DISC1: variants seen among roughly 807,000 people sequenced by gnomAD.
DISC1 encodes the protein disrupted in schizophrenia 1 protein.
DISC1 carries 57 observed loss-of-function variants against 84.5 expected under a neutral mutation model. The observed-to-expected ratio is 0.67, with a 90% confidence interval of 0.55 to 0.84. The LOEUF is 0.84. Ranked by LOEUF, DISC1 falls within the 40% of genes least tolerant of loss-of-function variation. The probability of loss-of-function intolerance (pLI) is 0.00; values close to 1 mark genes in which losing one functional copy is unlikely to be tolerated. For synonymous variants in DISC1, 411 were observed against 415.2 expected, an observed-to-expected ratio of 0.99 and a Z score of 0.12; for missense variants, 1,000 against 1,057.8, an observed-to-expected ratio of 0.95 and a Z score of 0.76.
At chr1:231,982,035 A>G (rs186866193) in intron 10 of DISC1, among the ~76,000 whole-genome samples, 35 of 152,340 alleles carry the variant, frequency 2.3e-4, no homozygotes, top group Non-Finnish European at 4.1e-4. Flanking sequence ...GGAATGTGAA[A>G]TTAGAGAGAC....
intron 1 of DISC1, among the ~76,000 whole-genome samples, chr1:231,658,783 T>C (rs1447745371): frequency 6.6e-6 from 1 of 152,252 alleles, no homozygotes; most frequent in African/African-American, 2.4e-5. Flanking sequence ...ATCACATTTA[T>C]TGATTTGCAT....
chr1:231,723,394 C>T (rs1329554702), intron 3 of DISC1: 1 of 985,558 alleles, frequency 1.0e-6, no homozygotes, highest in Non-Finnish European at 1.2e-6. Flanking sequence ...TGATCTTCTT[C>T]CCTTGCTTCC....
At chr1:231,997,732 A>G (rs1331365719) in intron 10 of DISC1, among the ~76,000 whole-genome samples, 1 of 152,136 alleles carries the variant, frequency 6.6e-6, no homozygotes, top group Non-Finnish European at 1.5e-5. Context: ...TTCTGGGAGC[A>G]CAGATGATTC....
intron 4 of DISC1, among the ~76,000 whole-genome samples, chr1:231,755,212 A>AT (rs903060975): frequency 1.2e-3 from 166 of 143,752 alleles, no homozygotes; most frequent in Admixed American, 1.5e-3. Context: ...TTTCTTCTTA[A>AT]TTTTTTTTTT....
At chr1:232,036,421 T>A (rs1035983249) in intron 12 of DISC1, among the ~76,000 whole-genome samples, 8 of 152,248 alleles carry the variant, frequency 5.3e-5, no homozygotes, top group Admixed American at 4.6e-4. Context: ...GTTGACCATC[T>A]GTCTCTGCTA....
chr1:231,770,104 G>C (rs1197648503), intron 5 of DISC1, among the ~76,000 whole-genome samples: 1 of 152,072 alleles, frequency 6.6e-6, no homozygotes, highest in African/African-American at 2.4e-5. Context: ...CAAAACATGG[G>C]AGTATGTTAA....
chr1:231,877,641 A>C (rs903996816), intron 9 of DISC1, among the ~76,000 whole-genome samples: 1 of 152,170 alleles, frequency 6.6e-6, no homozygotes, highest in Non-Finnish European at 1.5e-5. Context: ...TGTTCAGTGG[A>C]TGTTAGGTAT....
chr1:231,928,829 AG>A (rs2090493948), intron 9 of DISC1, among the ~76,000 whole-genome samples: 1 of 152,220 alleles, frequency 6.6e-6, no homozygotes, highest in South Asian at 2.1e-4. Context: ...GTAATCATAC[AG>A]GACCAGGTTG....
intron 9 of DISC1, among the ~76,000 whole-genome samples, chr1:231,910,432 A>G (rs763049687): frequency 9.9e-5 from 15 of 152,164 alleles, no homozygotes; most frequent in Non-Finnish European, 1.8e-4. Context: ...TTCGTTATGT[A>G]CTCAGTAGTC....
intron 9 of DISC1, among the ~76,000 whole-genome samples, chr1:231,871,334 G>A (rs149136345): frequency 6.6e-6 from 1 of 152,204 alleles, no homozygotes; most frequent in African/African-American, 2.4e-5. Flanking sequence ...TGGGGAAGGG[G>A]ACCCACTCTG....
chr1:231,962,392 C>T (rs866869900), intron 10 of DISC1, among the ~76,000 whole-genome samples: 12 of 152,066 alleles, frequency 7.9e-5, no homozygotes, highest in African/African-American at 2.7e-4. Flanking sequence ...GATTAGGTCC[C>T]ACTTGTCAAT....
intron 3 of DISC1, among the ~76,000 whole-genome samples, chr1:231,732,411 A>G (rs2071640895): frequency 6.6e-6 from 1 of 152,236 alleles, no homozygotes; most frequent in Admixed American, 6.5e-5. Flanking sequence ...TCTACTTAGA[A>G]ATGCCTCAAG....
intron 7 of DISC1, among the ~76,000 whole-genome samples, chr1:231,796,105 G>A (rs921809474): frequency 8.6e-5 from 13 of 151,986 alleles, no homozygotes; most frequent in African/African-American, 2.7e-4. Context: ...GACAGAATAC[G>A]TCTTCACTAT....
Position 231,675,291 on chromosome 1 carries a change from T to A in DISC1, c.68-18535T>A, listed in dbSNP as rs1352222944. Reference sequence around the variant, plus strand: ...AATGACACATCTTTTTGCTTTGGGATGATTGCTGGGTCCTGGGGTCTCTCT... The same window carrying A: ...AATGACACATCTTTTTGCTTTGGGAAGATTGCTGGGTCCTGGGGTCTCTCT... On this transcript the variant is annotated intron_variant, in intron 1 of 12. Transcript: ENST00000439617. This position sits in a 1 kb window ranked among gnomAD's most constrained non-coding sequence, Gnocchi z 4.1. 1.3e-5 allele frequency among the ~76,000 whole-genome samples: 2 copies of A among 152,038 alleles called. No homozygotes were observed. Among genetic ancestry groups the A allele is most frequent in the Non-Finnish European group, 2.9e-5 (2 of 67,994 alleles).
intron 12 of DISC1, among the ~76,000 whole-genome samples, chr1:232,029,811 T>C (rs1669829493): frequency 6.6e-6 from 1 of 152,216 alleles, no homozygotes; most frequent in Non-Finnish European, 1.5e-5. Context: ...TAGTGTGGCA[T>C]CAACAGAGGT....
intron 9 of DISC1, among the ~76,000 whole-genome samples, chr1:231,906,460 C>G (rs58366619): frequency 0.018 from 2,752 of 152,190 alleles, 101 homozygotes; most frequent in African/African-American, 0.063. Context: ...TTAAAATATC[C>G]CAGGGGGTGC....
intron 3 of DISC1, among the ~76,000 whole-genome samples, chr1:231,713,779 GATATATATATAGGAGAT>G (rs1361762918): frequency 4.5e-4 from 47 of 103,938 alleles, no homozygotes; most frequent in South Asian, 4.4e-3. Flanking sequence ...ATATATAGGA[GATATATATATAGGAGAT>G]ATATATATAT....
intron 9 of DISC1, among the ~76,000 whole-genome samples, chr1:231,821,211 C>T (rs1374052053): frequency 6.6e-6 from 1 of 152,158 alleles, no homozygotes; most frequent in East Asian, 1.9e-4. Context: ...TCTCTTCCTG[C>T]ATTTTAGATT....
In DISC1 at chr1:231,871,599, T is replaced by C. The variant is rs74144159; in HGVS notation, c.1981+53082T>C. Among the ~76,000 whole-genome samples, 1,378 of 152,304 alleles carry C rather than the reference T, an allele frequency of 9.0e-3. 21 individuals carry two copies. The highest frequency in any genetic ancestry group is 0.031 in the African/African-American group (1,299 of 41,570). ...ACAACCCTCTTAGCAGGTTCTACCATAGTTAGCCAACCATGTGTTAATCTC... is the reference window on the plus strand; with the variant it reads ...ACAACCCTCTTAGCAGGTTCTACCACAGTTAGCCAACCATGTGTTAATCTC... On this transcript the variant is annotated intron_variant, in intron 9 of 12. Transcript: ENST00000439617.
Sources: gnomAD v4.1 joint callset for allele counts (sites outside exome capture counted in the v4.1 genomes callset) on GRCh38, gnomAD v4.1.1 for gene constraint, Gnocchi (gnomAD v3.1) non-coding constraint, MANE v1.5 for transcripts, NCBI Gene and HGNC (gene_info 2026-07-23, HGNC 2026-07-21) for gene names.